Variants in COL5A2 observed in about 807,000 individuals in gnomAD.
COL5A2 encodes the protein collagen type V alpha 2 chain.
Under a neutral mutation model 208.2 loss-of-function variants are expected in COL5A2, and 23 were observed. That is an observed-to-expected ratio of 0.11 (90% confidence interval 0.08 to 0.16). The LOEUF (loss-of-function observed/expected upper bound fraction) is 0.16. Ranked by LOEUF, COL5A2 falls within the 10% of genes least tolerant of loss-of-function variation. COL5A2 has a pLI of 1.00. For synonymous variants in COL5A2, 625 were observed against 628.5 expected, an observed-to-expected ratio of 0.99 and a Z score of 0.08; for missense variants, 1,590 against 1,956.4, an observed-to-expected ratio of 0.81 and a Z score of 3.53.
intron 1 of COL5A2, among the ~76,000 whole-genome samples, chr2:189,139,232 G>A (rs1016154390): frequency 6.6e-6 from 1 of 152,084 alleles, no homozygotes; most frequent in Non-Finnish European, 1.5e-5. Context: ...CTGAGATCAC[G>A]CCATTGCACT....
chr2:189,343,747 G>A, the COL5A2 span, among the ~76,000 whole-genome samples: 1 of 152,122 alleles, frequency 6.6e-6, no homozygotes, highest in Non-Finnish European at 1.5e-5. Flanking sequence ...TAATAACTCA[G>A]AAGATTCAAC....
chr2:189,196,091 A>G (rs1688997997), intron 1 of COL5A2, among the ~76,000 whole-genome samples: 1 of 152,224 alleles, frequency 6.6e-6, no homozygotes, highest in African/African-American at 2.4e-5. Context: ...ATCTACAAGG[A>G]ACTTAAACAA....
chr2:189,078,452 A>G, intron 16 of COL5A2, 64 bp downstream of exon 16: 2 of 1,356,894 alleles, frequency 1.5e-6, no homozygotes, highest in Non-Finnish European at 1.1e-6. Flanking sequence ...AGTTCAGTAA[A>G]CCAAATCTGA....
chr2:189,207,570 G>A (rs1230057363), intron 1 of COL5A2, among the ~76,000 whole-genome samples: 1 of 152,148 alleles, frequency 6.6e-6, no homozygotes, highest in Non-Finnish European at 1.5e-5. Flanking sequence ...AAGTGTACAT[G>A]CTAGCTAGTT....
intron 11 of COL5A2, 57 bp from the exon 12 acceptor site, chr2:189,084,094 T>C: frequency 8.6e-7 from 1 of 1,157,722 alleles, no homozygotes; most frequent in Non-Finnish European, 1.3e-6. Context: ...AAGGTTCTTC[T>C]CTGAAACTAA....
At chr2:189,377,027 T>C in the COL5A2 span, among the ~76,000 whole-genome samples, 2 of 152,328 alleles carry the variant, frequency 1.3e-5, no homozygotes, top group Middle Eastern at 3.4e-3. Flanking sequence ...CATATGATCT[T>C]ACAGGACAAA....
intron 1 of COL5A2, among the ~76,000 whole-genome samples, chr2:189,123,571 T>C (rs142803839): frequency 2.0e-3 from 305 of 152,252 alleles, no homozygotes; most frequent in Admixed American, 3.8e-3. Context: ...CAGTTTGTGG[T>C]ACTTTGTTAT....
chr2:189,375,047 C>T, the COL5A2 span, among the ~76,000 whole-genome samples: 3 of 148,666 alleles, frequency 2.0e-5, no homozygotes, highest in Non-Finnish European at 4.5e-5. Context: ...GATGGAGTCT[C>T]GCTCTGTCAC....
the COL5A2 span, among the ~76,000 whole-genome samples, chr2:189,353,177 T>C: frequency 5.3e-5 from 8 of 152,290 alleles, no homozygotes; most frequent in East Asian, 1.2e-3. Context: ...TACCAAGCTG[T>C]TTTGGTTGCT....
At chr2:189,228,215 A>C (rs1689441815), upstream of COL5A2, among the ~76,000 whole-genome samples, 1 of 151,916 alleles carries the variant, frequency 6.6e-6, no homozygotes, top group African/African-American at 2.4e-5. Context: ...AAAAAGAAGG[A>C]TCTAAAGCAA....
intron 3 of COL5A2, among the ~76,000 whole-genome samples, chr2:189,102,076 A>C (rs1447923591): frequency 6.6e-6 from 1 of 152,118 alleles, no homozygotes; most frequent in Non-Finnish European, 1.5e-5. Context: ...AGGGTACATA[A>C]ATTTTTGTGC....
At chr2:189,286,189 G>C in the COL5A2 span, among the ~76,000 whole-genome samples, 1 of 151,972 alleles carries the variant, frequency 6.6e-6, no homozygotes. Flanking sequence ...TTATAGTCAA[G>C]TGGCTTTTAG....
chr2:189,236,847 GATA>G, the COL5A2 span, among the ~76,000 whole-genome samples: 10 of 151,664 alleles, frequency 6.6e-5, no homozygotes, highest in Admixed American at 2.6e-4. Flanking sequence ...GATAACTTAT[GATA>G]ATAAGTTCTT....
At chr2:189,381,735 A>G in the COL5A2 span, among the ~76,000 whole-genome samples, 1 of 152,140 alleles carries the variant, frequency 6.6e-6, no homozygotes, top group Non-Finnish European at 1.5e-5. Context: ...AAGAAAAATT[A>G]AATTTAAAAA....
At chr2:189,074,270 A>G (rs189169546) in intron 17 of COL5A2, among the ~76,000 whole-genome samples, 2,325 of 152,046 alleles carry the variant, frequency 0.015, 50 homozygotes, top group South Asian at 0.085. Context: ...AACCCTTTAA[A>G]TGGGTAAGTA....
chr2:189,043,726 T>C (rs1482400768), intron 47 of COL5A2, among the ~76,000 whole-genome samples: 1 of 152,236 alleles, frequency 6.6e-6, no homozygotes, highest in Non-Finnish European at 1.5e-5. Context: ...TAGCTGGCTA[T>C]GACAGCTGCA....
chr2:189,402,956 G>C, the COL5A2 span, among the ~76,000 whole-genome samples: 1 of 152,152 alleles, frequency 6.6e-6, no homozygotes, highest in Non-Finnish European at 1.5e-5. Context: ...GAATGTCAAT[G>C]GTCGTTTAAA....
chr2:189,344,012 C>T, the COL5A2 span, among the ~76,000 whole-genome samples: 2 of 152,140 alleles, frequency 1.3e-5, no homozygotes, highest in African/African-American at 4.8e-5. Context: ...TTGAAAATTG[C>T]TTGGACTTAT....
chr2:189,159,010 G>A (rs1294540866), intron 1 of COL5A2, among the ~76,000 whole-genome samples: 3 of 152,008 alleles, frequency 2.0e-5, no homozygotes, highest in South Asian at 2.1e-4. Flanking sequence ...TATACTCTAC[G>A]GATTGATTTA....
Sources: allele counts gnomAD v4.1 joint callset (sites outside exome capture counted in the v4.1 genomes callset), GRCh38; gene constraint gnomAD v4.1.1; transcripts MANE v1.5; gene names NCBI Gene and HGNC (gene_info 2026-07-23, HGNC 2026-07-21).